The following MYOCD variants were observed in gnomAD, a reference collection of about 807,000 sequenced individuals.
The protein encoded by MYOCD is myocardin.
MYOCD carries 32 observed loss-of-function variants against 96.1 expected under a neutral mutation model. That is an observed-to-expected ratio of 0.33 (90% confidence interval 0.25 to 0.45). The LOEUF (loss-of-function observed/expected upper bound fraction) is 0.45. Ranked by LOEUF, MYOCD falls within the 20% of genes least tolerant of loss-of-function variation. The pLI, the probability that MYOCD is intolerant of heterozygous loss-of-function variation, is 1.00. For missense variants in MYOCD, 1,133 were observed against 1,200.6 expected (o/e 0.94, Z 0.83); for synonymous variants, 469 against 469.0 (o/e 1.00, Z 0.00).
At chr17:12,708,166 A>G (rs9894428) in intron 2 of MYOCD, among the ~76,000 whole-genome samples, 74,273 of 151,932 alleles carry the variant, frequency 0.49, 19,869 homozygotes, top group African/African-American at 0.71. Context: ...AACTGAGGTT[A>G]AAGAGGCCTA....
chr17:12,733,357 G>C (rs1391212616), intron 5 of MYOCD, among the ~76,000 whole-genome samples: 2 of 150,364 alleles, frequency 1.3e-5, no homozygotes, highest in Non-Finnish European at 2.9e-5. Flanking sequence ...CATTTTCTGT[G>C]TTACCCCTGC....
chr17:12,750,763 A>G (rs2032830621), intron 9 of MYOCD, among the ~76,000 whole-genome samples: 1 of 152,206 alleles, frequency 6.6e-6, no homozygotes, highest in Non-Finnish European at 1.5e-5. Context: ...AACTTAATCA[A>G]TACAAATAGA....
chr17:12,676,071 C>T (rs1215810657), intron 1 of MYOCD, among the ~76,000 whole-genome samples: 1 of 151,732 alleles, frequency 6.6e-6, no homozygotes, highest in African/African-American at 2.4e-5. Context: ...AATTGACATC[C>T]TAATAGTGGT....
intron 12 of MYOCD, chr17:12,760,211 C>A (rs1190902723): frequency 2.2e-5 from 4 of 184,322 alleles, no homozygotes; most frequent in Admixed American, 5.4e-5. Context: ...ATAGATCAAC[C>A]TTAAGGACAT....
At chr17:12,723,634 A>C (rs1449135881) in intron 5 of MYOCD, among the ~76,000 whole-genome samples, 1 of 152,200 alleles carries the variant, frequency 6.6e-6, no homozygotes, top group Non-Finnish European at 1.5e-5. Flanking sequence ...TGAACAACTG[A>C]TACTAGGTGG....
chr17:12,715,099 C>T (rs2031598249), intron 2 of MYOCD, among the ~76,000 whole-genome samples: 1 of 152,162 alleles, frequency 6.6e-6, no homozygotes, highest in Non-Finnish European at 1.5e-5. Flanking sequence ...ACCCCACAGA[C>T]ACAGACCACA....
At chr17:12,697,488 G>A (rs2030830955) in intron 1 of MYOCD, among the ~76,000 whole-genome samples, 2 of 147,108 alleles carry the variant, frequency 1.4e-5, no homozygotes, top group Non-Finnish European at 3.0e-5. Context: ...TCAGCCTCCT[G>A]AGTAGCTGAG....
intron 1 of MYOCD, among the ~76,000 whole-genome samples, chr17:12,675,839 A>G (rs1334659415): frequency 6.6e-6 from 1 of 152,236 alleles, no homozygotes; most frequent in Non-Finnish European, 1.5e-5. Context: ...AGCCTGGGTG[A>G]CAGAGCAAGA....
At chr17:12,743,004 A>G (rs1335282830) in intron 7 of MYOCD, among the ~76,000 whole-genome samples, 2 of 152,160 alleles carry the variant, frequency 1.3e-5, no homozygotes, top group Non-Finnish European at 2.9e-5. Flanking sequence ...TTTCAATATT[A>G]TCTTTTATAG....
chr17:12,669,266 T>G (rs1356663), intron 1 of MYOCD, among the ~76,000 whole-genome samples: 19,213 of 152,156 alleles, frequency 0.13, 1,347 homozygotes, highest in Admixed American at 0.22. Flanking sequence ...CACACAGCCC[T>G]CAGACATAAA....
intron 5 of MYOCD, among the ~76,000 whole-genome samples, chr17:12,724,942 G>A (rs2031953240): frequency 6.6e-6 from 1 of 152,000 alleles, no homozygotes. Context: ...GGATTGCACT[G>A]AATTTATATG....
At chr17:12,710,127 A>G (rs1313181296) in intron 2 of MYOCD, among the ~76,000 whole-genome samples, 1 of 152,180 alleles carries the variant, frequency 6.6e-6, no homozygotes, top group East Asian at 1.9e-4. Context: ...ATCCCATTTA[A>G]TGATTTTGGA....
At chr17:12,739,462 T>A in intron 7 of MYOCD, 134 bp downstream of exon 7, 1 of 1,009,844 alleles carries the variant, frequency 9.9e-7, no homozygotes, top group Non-Finnish European at 1.3e-6. Context: ...TTCAGCTCAC[T>A]AGGAGGGTCA....
At chr17:12,730,914 T>C (rs1164465161) in intron 5 of MYOCD, among the ~76,000 whole-genome samples, 2 of 152,224 alleles carry the variant, frequency 1.3e-5, no homozygotes, top group Non-Finnish European at 2.9e-5. Context: ...GCTTTAATCT[T>C]GGCATTTTAA....
intron 1 of MYOCD, among the ~76,000 whole-genome samples, chr17:12,697,634 G>GA (rs898874562): frequency 2.2e-4 from 33 of 151,964 alleles, no homozygotes; most frequent in Non-Finnish European, 3.5e-4. Flanking sequence ...TTACAGGCTT[G>GA]AGCCACTGCC....
chr17:12,753,240 T>G lies in MYOCD; in HGVS notation c.1952T>G (p.Leu651Trp). 25 of 1,614,160 alleles carry G rather than the reference T, an allele frequency of 1.5e-5. No homozygotes were observed. Among genetic ancestry groups the G allele is most frequent in the Non-Finnish European group, 2.0e-5 (24 of 1,180,014 alleles). ...GAVKSPQHIS[L>W]PPSPNNPHFL... ...GTGAAAAGCCCACAGCACATCAGTT[T>G]GCCCCCATCACCCAACAACCCTCAC... The change falls in exon 10 of 14, where the codon TTG (leucine) becomes TGG (tryptophan). Residue 651 changes from leucine (L) to tryptophan (W), a missense_variant. Physicochemically the swap from Leu to Trp is moderately conservative, Grantham distance 61. Coordinates refer to ENST00000425538, the MANE Select transcript of MYOCD (RefSeq NM_001146312.3).
chr17:12,678,901 G>C (rs1009426021), intron 1 of MYOCD, among the ~76,000 whole-genome samples: 10 of 152,028 alleles, frequency 6.6e-5, no homozygotes, highest in African/African-American at 2.2e-4. Flanking sequence ...GTTTCAGTGT[G>C]TTAGCCGGGA....
chr17:12,747,867 TAAA>T (rs57335981), intron 9 of MYOCD, among the ~76,000 whole-genome samples: 1 of 145,616 alleles, frequency 6.9e-6, no homozygotes, highest in African/African-American at 2.5e-5. Flanking sequence ...GGATCCTATT[TAAA>T]AAAAAAAAAA....
intron 12 of MYOCD, 27 bp from the exon 13 acceptor site, chr17:12,760,616 AATTGTCT>A: frequency 6.3e-7 from 1 of 1,584,300 alleles, no homozygotes; most frequent in East Asian, 2.2e-5. Context: ...CCACCTTCTA[AATTGTCT>A]GTCCTCCTTT....
Sources: allele counts gnomAD v4.1 joint callset (sites outside exome capture counted in the v4.1 genomes callset), GRCh38; gene constraint gnomAD v4.1.1; transcripts MANE v1.5; gene names NCBI Gene and HGNC (gene_info 2026-07-23, HGNC 2026-07-21).